The following LRBA variants were observed in gnomAD, a reference collection of about 807,000 sequenced individuals.
The protein encoded by LRBA is lipopolysaccharide-responsive and beige-like anchor protein.
Under a neutral mutation model 330.0 loss-of-function variants are expected in LRBA, and 176 were observed. The ratio of observed to expected loss-of-function variants is 0.53; its 90% CI spans 0.47 to 0.60. The LOEUF is 0.60. Ranked by LOEUF, LRBA falls within the 20% of genes least tolerant of loss-of-function variation. LRBA has a pLI of 0.00. For synonymous variants in LRBA, 1,230 were observed against 1,193.0 expected, an observed-to-expected ratio of 1.03 and a Z score of -0.64; for missense variants, 3,259 against 3,444.8, an observed-to-expected ratio of 0.95 and a Z score of 1.35.
intron 47 of LRBA, among the ~76,000 whole-genome samples, chr4:150,381,056 A>T (rs1384341456): frequency 6.6e-6 from 1 of 151,674 alleles, no homozygotes; most frequent in Non-Finnish European, 1.5e-5. Flanking sequence ...CTTAGGAAAT[A>T]GTTCAACAAG....
chr4:150,523,389 T>C (rs1271122215), intron 40 of LRBA, among the ~76,000 whole-genome samples: 1 of 152,048 alleles, frequency 6.6e-6, no homozygotes, highest in Admixed American at 6.6e-5. Context: ...CCTTTCTCCA[T>C]GGGAGGACAC....
At position 150,849,416 on chromosome 4, in the gene LRBA, C is replaced by T; in HGVS notation, c.4158+6G>A. The T allele has an allele frequency of 1.2e-6, 2 of 1,612,868 alleles. No homozygotes were observed. The highest frequency in any genetic ancestry group is 1.7e-6 in the Non-Finnish European group (2 of 1,179,290). On this transcript the variant is annotated splice_donor_region_variant and intron_variant, in intron 25 of 56. Coordinates refer to ENST00000651943, the MANE Select transcript of LRBA (RefSeq NM_001364905.1). The stretch of plus-strand genomic sequence containing the variant: ...CACCAATTTTCTATAGTAATTAAGT[C>T]CTTACTGTAGCCGATGTAGCAGCTG...
intron 55 of LRBA, among the ~76,000 whole-genome samples, chr4:150,282,248 C>G (rs774136131): frequency 1.3e-5 from 2 of 152,204 alleles, no homozygotes; most frequent in Non-Finnish European, 2.9e-5. Flanking sequence ...CGCTGAGTGA[C>G]GTGGTCAGCA....
chr4:150,893,715 G>C (rs532942589), intron 16 of LRBA, among the ~76,000 whole-genome samples: 1 of 151,612 alleles, frequency 6.6e-6, no homozygotes, highest in Non-Finnish European at 1.5e-5. Context: ...TTGCTGTGTC[G>C]CCCAGGCTGG....
chr4:150,560,709 G>A (rs747804091), intron 40 of LRBA, among the ~76,000 whole-genome samples: 6 of 152,098 alleles, frequency 3.9e-5, no homozygotes, highest in East Asian at 1.9e-4. Flanking sequence ...ACTATCGGCC[G>A]GGCACAGTGG....
intron 36 of LRBA, among the ~76,000 whole-genome samples, chr4:150,722,758 C>T (rs534023055): frequency 6.6e-5 from 10 of 151,810 alleles, no homozygotes; most frequent in South Asian, 2.1e-4. Flanking sequence ...ATCAGGTGAG[C>T]GATCACAGTA....
intron 2 of LRBA, among the ~76,000 whole-genome samples, chr4:150,934,444 C>T (rs1393585187): frequency 6.6e-6 from 1 of 152,222 alleles, no homozygotes; most frequent in Non-Finnish European, 1.5e-5. Context: ...TCATTCAACA[C>T]ACTTTTACTG....
At chr4:150,564,809 G>A (rs1768909665) in intron 40 of LRBA, among the ~76,000 whole-genome samples, 1 of 152,134 alleles carries the variant, frequency 6.6e-6, no homozygotes, top group South Asian at 2.1e-4. Context: ...CTAGAGAAAT[G>A]CAAATCAAAA....
chr4:150,727,205 C>G (rs1484060597), intron 36 of LRBA, among the ~76,000 whole-genome samples: 3 of 151,384 alleles, frequency 2.0e-5, no homozygotes, highest in Non-Finnish European at 4.4e-5. Context: ...TCCTGAGCAG[C>G]TGGGATTACA....
intron 22 of LRBA, among the ~76,000 whole-genome samples, chr4:150,860,247 T>C (rs181340011): frequency 2.0e-5 from 3 of 152,270 alleles, no homozygotes; most frequent in Admixed American, 6.5e-5. Context: ...GGTGAACAAA[T>C]GTAAGAACCA....
At chr4:150,817,509 A>T (rs1290275286) in intron 30 of LRBA, among the ~76,000 whole-genome samples, 1 of 152,028 alleles carries the variant, frequency 6.6e-6, no homozygotes, top group Non-Finnish European at 1.5e-5. Context: ...TAGTATTTTT[A>T]AAATTTAGGA....
At position 150,763,201 on chromosome 4, in the gene LRBA, G is replaced by A. The variant is rs72738354; in HGVS notation, c.5581-1354C>T. ...GAACTAGCAGAGAAGAAAAAGTAAC[G>A]TATTCTCAAGGAATGAGCAAGAAAC... On this transcript the variant is annotated intron_variant, in intron 34 of 56. Coordinates refer to ENST00000651943, the MANE Select transcript of LRBA (RefSeq NM_001364905.1). Among the ~76,000 whole-genome samples the A allele has an allele frequency of 1.6e-3, 243 of 152,052 alleles. 1 individual carries two copies. Among genetic ancestry groups the A allele is most frequent in the Admixed American group, 3.6e-3 (55 of 15,246 alleles).
At chr4:150,352,436 C>A (rs1431219797) in intron 47 of LRBA, among the ~76,000 whole-genome samples, 1 of 152,048 alleles carries the variant, frequency 6.6e-6, no homozygotes, top group East Asian at 1.9e-4. Flanking sequence ...GTAAACAAAA[C>A]TCTATGCAAT....
intron 2 of LRBA, among the ~76,000 whole-genome samples, chr4:150,944,119 T>C (rs1224782459): frequency 6.6e-6 from 1 of 152,186 alleles, no homozygotes; most frequent in Non-Finnish European, 1.5e-5. Flanking sequence ...TGACAGACCC[T>C]GAGTCAAAAC....
chr4:150,941,308 A>G (rs1170586531), intron 2 of LRBA, among the ~76,000 whole-genome samples: 3 of 151,758 alleles, frequency 2.0e-5, no homozygotes, highest in Admixed American at 6.6e-5. Context: ...GCCCACCAAC[A>G]CGCCCAGCTA....
At chr4:150,451,649 A>T (rs1314398021) in intron 44 of LRBA, among the ~76,000 whole-genome samples, 1 of 152,288 alleles carries the variant, frequency 6.6e-6, no homozygotes, top group Admixed American at 6.5e-5. Flanking sequence ...AAGTTACTAA[A>T]AAGGAAGATA....
intron 34 of LRBA, among the ~76,000 whole-genome samples, chr4:150,787,950 T>C (rs906547666): frequency 5.9e-5 from 9 of 152,230 alleles, no homozygotes; most frequent in African/African-American, 1.9e-4. Context: ...CTTTTGGATA[T>C]ATACCCAGCA....
chr4:150,602,626 G>C (rs1304496122), intron 37 of LRBA, among the ~76,000 whole-genome samples: 5 of 151,986 alleles, frequency 3.3e-5, no homozygotes, highest in Non-Finnish European at 7.4e-5. Flanking sequence ...GTATTATAAA[G>C]GAGAATGTGT....
intron 2 of LRBA, among the ~76,000 whole-genome samples, chr4:151,012,438 T>A (rs1386905722): frequency 6.6e-6 from 1 of 152,156 alleles, no homozygotes; most frequent in Non-Finnish European, 1.5e-5. Context: ...CTACCACAAA[T>A]TTCTGTTTCT....
Sources: allele counts gnomAD v4.1 joint callset (sites outside exome capture counted in the v4.1 genomes callset), GRCh38; gene constraint gnomAD v4.1.1; transcripts MANE v1.5; gene names NCBI Gene and HGNC (gene_info 2026-07-23, HGNC 2026-07-21).